Variants in PIK3R3 observed in about 807,000 individuals in gnomAD.
The protein encoded by PIK3R3 is phosphoinositide-3-kinase regulatory subunit 3, also known as phosphatidylinositol 3-kinase regulatory subunit gamma.
A neutral mutation model predicts 62.9 loss-of-function variants in PIK3R3; 64 were observed. The observed-to-expected ratio is 1.02, with a 90% CI of 0.83 to 1.25. PIK3R3 has a LOEUF of 1.25. Among genes scored for constraint, PIK3R3 ranks in the 50% most tolerant of loss-of-function variants. The pLI is 0.00. For synonymous variants in PIK3R3, 165 were observed against 189.0 expected (o/e 0.87, Z 1.04); for missense variants, 614 against 561.6 (o/e 1.09, Z -0.94).
chr1:46,170,796 C>T, the PIK3R3 span, among the ~76,000 whole-genome samples: 1 of 152,308 alleles, frequency 6.6e-6, no homozygotes, highest in African/African-American at 2.4e-5. Context: ...TTTGCCTATC[C>T]CCAGCAGGAA....
At chr1:46,046,669 G>A in intron 7 of PIK3R3, 44 bp from the exon 8 acceptor site, 2 of 1,371,894 alleles carry the variant, frequency 1.5e-6, no homozygotes, top group Non-Finnish European at 2.1e-6. Context: ...TGCAAACTCT[G>A]ACTGGACAAA....
intron 7 of PIK3R3, among the ~76,000 whole-genome samples, chr1:46,050,174 T>A (rs566229474): frequency 1.3e-5 from 2 of 151,242 alleles, no homozygotes. Flanking sequence ...CCAAATTTTA[T>A]GGACAGACAT....
At chr1:46,096,840 T>TAAA (rs201258613) in intron 1 of PIK3R3, among the ~76,000 whole-genome samples, 2 of 126,984 alleles carry the variant, frequency 1.6e-5, no homozygotes, top group Non-Finnish European at 3.4e-5. Context: ...GACTCTGTCT[T>TAAA]AAAAAAAAAA....
chr1:46,141,840 T>C, the PIK3R3 span, among the ~76,000 whole-genome samples: 1 of 152,188 alleles, frequency 6.6e-6, no homozygotes, highest in African/African-American at 2.4e-5. Flanking sequence ...AACAGTCTAC[T>C]TCTGCTCTTA....
intron 9 of PIK3R3, 91 bp from the exon 10 acceptor site, chr1:46,043,962 G>A (rs1647047084): frequency 1.8e-6 from 2 of 1,101,790 alleles, no homozygotes; most frequent in African/African-American, 1.6e-5. Flanking sequence ...CAATTGTTAT[G>A]CAAACAAGTG....
chr1:46,116,480 C>CG, intron 1 of PIK3R3, among the ~76,000 whole-genome samples: 1 of 151,924 alleles, frequency 6.6e-6, no homozygotes, highest in South Asian at 2.1e-4. Context: ...ATCAGGGCAC[C>CG]GCATGCTAGC....
Position 46,080,673 on chromosome 1 carries a change from C to A in PIK3R3, c.184G>T (p.Asp62Tyr). 1.2e-6 allele frequency: 2 copies of A among 1,612,790 alleles called. No individual in the cohort carries two copies. Among genetic ancestry groups the A allele is most frequent in the Non-Finnish European group, 1.7e-6 (2 of 1,178,788 alleles). Residue 62 changes from aspartate (D) to tyrosine (Y), a missense_variant, in exon 2 of 10, where the codon GAT becomes TAT. Transcript: ENST00000262741. ...ATATCCCCCCAGTACCATTCTGCAT[C>A]CTGAAGAGAAACAGAACTGTCCTTC... The part of the protein sequence containing the change: ...GMKDSSVSLQ[D>Y]AEWYWGDISR...
intron 1 of PIK3R3, among the ~76,000 whole-genome samples, chr1:46,108,400 C>T (rs1458743100): frequency 1.3e-5 from 2 of 152,174 alleles, no homozygotes; most frequent in East Asian, 3.9e-4. Context: ...TATTCCCATA[C>T]CACAGCTACT....
intron 6 of PIK3R3, among the ~76,000 whole-genome samples, chr1:46,057,959 G>T (rs564190044): frequency 6.6e-6 from 1 of 152,332 alleles, no homozygotes; most frequent in African/African-American, 2.4e-5. Flanking sequence ...TTCAGGGCAT[G>T]TCAGAGGTCT....
At chr1:46,147,714 C>T in the PIK3R3 span, among the ~76,000 whole-genome samples, 4 of 152,180 alleles carry the variant, frequency 2.6e-5, no homozygotes, top group Non-Finnish European at 4.4e-5. Context: ...CGTGAGCCAC[C>T]ATGCCCAGCC....
intron 1 of PIK3R3, among the ~76,000 whole-genome samples, chr1:46,087,010 G>C (rs115281153): frequency 6.6e-6 from 1 of 152,050 alleles, no homozygotes; most frequent in African/African-American, 2.4e-5. Flanking sequence ...GCGAACTATC[G>C]CAAGGACAGA....
In PIK3R3 at chr1:46,045,962, TA is replaced by T; in HGVS notation, c.1142del (p.Leu381Ter). 1 of 1,613,704 alleles carries T rather than the reference TA, an allele frequency of 6.2e-7. No homozygotes were observed. The highest frequency in any genetic ancestry group is 8.5e-7 in the Non-Finnish European group (1 of 1,179,816). On this transcript the variant is annotated frameshift_variant, in exon 9 of 10. Coordinates refer to ENST00000262741, the MANE Select transcript of PIK3R3 (RefSeq NM_003629.4). LOFTEE classifies it high-confidence loss of function. ...ATCCTTTCTTGCTACTCTCACGAAT[TA>T]AGAATGCACCATCAGGTTTCCCATA... is the stretch of plus-strand genomic sequence containing the variant. ...LLYGKPDGAF[L>X]IRESSKKGCY...
intron 1 of PIK3R3, 42 bp downstream of exon 1, chr1:46,131,805 T>C (rs371342931): frequency 1.3e-6 from 2 of 1,577,034 alleles, no homozygotes; most frequent in African/African-American, 2.7e-5. Context: ...TAAATACAAA[T>C]CAGACCCATC....
chr1:46,114,200 C>A (rs914798719), intron 1 of PIK3R3, among the ~76,000 whole-genome samples: 1 of 152,142 alleles, frequency 6.6e-6, no homozygotes. Context: ...CACGTGCCCA[C>A]CCTTAAACCA....
chr1:46,093,070 T>C lies in PIK3R3; in HGVS notation c.107-12320A>G, dbSNP rs149584640. On this transcript the variant is annotated intron_variant, in intron 1 of 9. Coordinates refer to ENST00000262741, the MANE Select transcript of PIK3R3 (RefSeq NM_003629.4). ...TTTACCTCTCTCCCATTCTTCACTA[T>C]AAGCTACTTCAAAATCATATTCTAC... 3.3e-5 allele frequency among the ~76,000 whole-genome samples: 5 copies of C among 152,334 alleles called. No individual in the cohort carries two copies. In the East Asian group the frequency reaches 9.6e-4, roughly 29 times the overall value.
At chr1:46,121,413 C>T (rs941366700) in intron 1 of PIK3R3, among the ~76,000 whole-genome samples, 6 of 152,092 alleles carry the variant, frequency 3.9e-5, no homozygotes, top group East Asian at 3.9e-4. Context: ...ATTTCCAGCA[C>T]AACAATTCCT....
At chr1:46,053,702 G>A (rs1402714654) in intron 7 of PIK3R3, among the ~76,000 whole-genome samples, 1 of 152,062 alleles carries the variant, frequency 6.6e-6, no homozygotes, top group Non-Finnish European at 1.5e-5. Flanking sequence ...GAAATTTCTG[G>A]TATTTACAAA....
intron 5 of PIK3R3, among the ~76,000 whole-genome samples, chr1:46,064,782 G>T (rs1186996680): frequency 6.6e-6 from 1 of 152,122 alleles, no homozygotes. Context: ...TATACACAGT[G>T]CTTAAAGGAA....
chr1:46,045,066 GGTGACATTTACTTCTTAT>G (rs930307996), intron 9 of PIK3R3, among the ~76,000 whole-genome samples: 2 of 152,138 alleles, frequency 1.3e-5, no homozygotes, highest in Non-Finnish European at 2.9e-5. Flanking sequence ...CATATTAGTA[GGTGACATTTACTTCTTAT>G]GTCCCTGCAC....
Sources: gnomAD v4.1 joint callset for allele counts (sites outside exome capture counted in the v4.1 genomes callset) on GRCh38, gnomAD v4.1.1 for gene constraint, MANE v1.5 for transcripts, NCBI Gene and HGNC (gene_info 2026-07-23, HGNC 2026-07-21) for gene names.